Variants in GOLGA6L6 observed in about 807,000 individuals in gnomAD.
GOLGA6L6 encodes the protein golgin subfamily A member 6-like protein 6.
In GOLGA6L6, 12 loss-of-function variants were observed where a neutral mutation model predicts 75.6. That is an observed-to-expected ratio of 0.16 (90% CI 0.10 to 0.26). The LOEUF (loss-of-function observed/expected upper bound fraction) is 0.26, where lower values mean the gene tolerates loss of function less well. Among genes scored for constraint, GOLGA6L6 ranks in the 10% least tolerant of loss-of-function variants. The probability of loss-of-function intolerance (pLI) is 1.00; values close to 1 mark genes in which losing one functional copy is unlikely to be tolerated. For synonymous variants in GOLGA6L6, 38 were observed against 179.2 expected, an observed-to-expected ratio of 0.21 and a Z score of 6.29; for missense variants, 144 against 598.5, an observed-to-expected ratio of 0.24 and a Z score of 7.92.
chr15:20,538,630 A>T lies in GOLGA6L6; in HGVS notation c.342+6T>A. On this transcript the variant is annotated splice_donor_region_variant and intron_variant, in intron 3 of 8. Transcript: ENST00000619213. Reference sequence around the variant, plus strand: ...GGCAGGAGGGAACTTCACACCCTCCACTCACCTCTAGCTCCCTCCTTAGGG... The same window carrying T: ...GGCAGGAGGGAACTTCACACCCTCCTCTCACCTCTAGCTCCCTCCTTAGGG... The T allele has an allele frequency of 9.3e-7, 1 of 1,073,740 alleles. No homozygotes were observed. Among genetic ancestry groups the T allele is most frequent in the South Asian group, 1.4e-5 (1 of 73,640 alleles). The allele number at this position is 1,073,740 out of a possible 1,614,324, so 66.5% of individuals were successfully genotyped here.
intron 5 of GOLGA6L6, among the ~76,000 whole-genome samples, chr15:20,538,035 G>A (rs1216209828): frequency 6.8e-6 from 1 of 148,034 alleles, no homozygotes; most frequent in African/African-American, 2.5e-5. Flanking sequence ...TGGCCTCTGA[G>A]CTCTATGTCC....
chr15:20,538,765 C>T, intron 2 of GOLGA6L6, 79 bp from the exon 3 acceptor site: 2 of 1,218,084 alleles, frequency 1.6e-6, no homozygotes, highest in Middle Eastern at 2.3e-4. Flanking sequence ...CAGAATGGCA[C>T]CACTGCCCCA....
chr15:20,537,683 TCCG>T (rs1890400281), intron 5 of GOLGA6L6, among the ~76,000 whole-genome samples: 1 of 143,140 alleles, frequency 7.0e-6, no homozygotes, highest in East Asian at 2.0e-4. Flanking sequence ...AGCCCATTCT[TCCG>T]CTGGAGGTAG....
intron 5 of GOLGA6L6, among the ~76,000 whole-genome samples, chr15:20,537,797 TC>T (rs1419937984): frequency 2.2e-5 from 3 of 137,668 alleles, no homozygotes; most frequent in Admixed American, 7.4e-5. Context: ...GGGAAATATC[TC>T]CCCCCAACAC....
At position 20,534,846 on chromosome 15, in the gene GOLGA6L6, G is replaced by A; in HGVS notation, c.1588C>T (p.Gln530Ter). 9.8e-7 allele frequency: 1 copy of A among 1,022,142 alleles called. No homozygotes were observed. The highest frequency in any genetic ancestry group is 1.3e-6 in the Non-Finnish European group (1 of 750,758). 63.3% of individuals were successfully genotyped at this position (1,022,142 alleles called of 1,614,324 possible). A position where few individuals can be genotyped will look rare whatever the true frequency, so the allele number is the denominator to read the frequency against. The change falls in exon 8 of 9, where the codon CAG (glutamine) becomes TAG (stop). Residue 530 changes from glutamine (Q) to a stop codon, truncating the protein, a stop_gained. Transcript: ENST00000619213. LOFTEE classifies it high-confidence loss of function. ...MWREEEKMHE[Q>*]EKIWEEEKRQ... ...TTCTCCTCCTCCCATATCTTCTCCT[G>A]CTCATGCATCTTCTCTTCCTCCCTC...
intron 8 of GOLGA6L6, 129 bp from the exon 9 acceptor site, chr15:20,533,731 C>T (rs1890270165): frequency 3.9e-5 from 1 of 25,830 alleles, no homozygotes; most frequent in Non-Finnish European, 6.7e-5. Flanking sequence ...GCCACCGCTT[C>T]GCCCTGAGCT....
rs1233666016 is a variant in GOLGA6L6, at chr15:20,532,624, A to T, written c.*979T>A. ...ACAAGAGCAGTTAGAAAAACTGGAT[A>T]AAAATGTGCCCCGCCCCCAATCAAA... On this transcript the variant is annotated 3_prime_UTR_variant, in exon 9 of 9. Transcript: ENST00000619213. 4 of 139,354 alleles carry T rather than the reference A, an allele frequency of 2.9e-5. No homozygotes were observed. The highest frequency in any genetic ancestry group is 1.1e-4 in the African/African-American group (4 of 36,170). The allele number at this position is 139,354 out of a possible 1,614,324, so 8.6% of individuals were successfully genotyped here. A position where few individuals can be genotyped will look rare whatever the true frequency, so the allele number is the denominator to read the frequency against.
At position 20,534,988 on chromosome 15, in the gene GOLGA6L6, C is replaced by A. The variant is rs1376735243; in HGVS notation, c.1446G>T (p.Gln482His). 1 of 1,481,184 alleles carries A rather than the reference C, an allele frequency of 6.8e-7. No homozygotes were observed. Among genetic ancestry groups the A allele is most frequent in the South Asian group, 1.3e-5 (1 of 79,438 alleles). 91.8% of individuals were successfully genotyped at this position (1,481,184 alleles called of 1,614,324 possible). A position where few individuals can be genotyped will look rare whatever the true frequency, so the allele number is the denominator to read the frequency against. Residue 482 changes from glutamine to histidine, a missense_variant, in exon 8 of 9, where the codon CAG becomes CAT. Transcript: ENST00000619213. Reference protein sequence around the residue: ...MHEQEEKIRKQEEKVWRQEEK... With the variant: ...MHEQEEKIRKHEEKVWRQEEK... ...CCTCCTGCCTCCACACCTTCTCCTC[C>A]TGCTTCCGTATCTTCTCCTCCTGCT...
intron 2 of GOLGA6L6, among the ~76,000 whole-genome samples, chr15:20,539,378 C>G (rs1393824403): frequency 2.3e-5 from 1 of 43,644 alleles, no homozygotes. Context: ...CCCTTGGCCC[C>G]GAGGTTTCCA....
chr15:20,537,560 T>C (rs1421682736), intron 5 of GOLGA6L6, among the ~76,000 whole-genome samples: 1 of 148,390 alleles, frequency 6.7e-6, no homozygotes, highest in East Asian at 1.9e-4. Flanking sequence ...TAGGAGATGG[T>C]TACCATTATT....
In GOLGA6L6 at chr15:20,535,706, GT is replaced by G. The variant is rs1358800432; in HGVS notation, c.745-18del. 3.5e-5 allele frequency: 22 copies of G among 622,124 alleles called. No homozygotes were observed. Among genetic ancestry groups the G allele is most frequent in the East Asian group, 5.9e-5 (2 of 33,994 alleles). 38.5% of individuals were successfully genotyped at this position (622,124 alleles called of 1,614,324 possible). ...CAGCTGCTGCTGGAATAGTGAAAGTGTTTTTTTGAACCTCAGAAGGAAGCAG... is the reference window on the plus strand; with the variant it reads ...CAGCTGCTGCTGGAATAGTGAAAGTGTTTTTTGAACCTCAGAAGGAAGCAG... On this transcript the variant is annotated intron_variant, in intron 7 of 8. Coordinates refer to ENST00000619213, the MANE Select transcript of GOLGA6L6 (RefSeq NM_001145004.2).
At position 20,534,818 on chromosome 15, in the gene GOLGA6L6, C is replaced by T. The variant is rs1218413604; in HGVS notation, c.1616G>A (p.Arg539Lys). The change falls in exon 8 of 9, where the codon AGG (arginine) becomes AAG (lysine). Residue 539 changes from arginine to lysine, a missense_variant. Arg to Lys is a conservative substitution (Grantham distance 26). Coordinates refer to ENST00000619213, the MANE Select transcript of GOLGA6L6 (RefSeq NM_001145004.2). Reference sequence around the variant, plus strand: ...CCACATCTTATCCTCCTGCTCCTGCCTCTTCTCCTCCTCCCATATCTTCTC... The same window carrying T: ...CCACATCTTATCCTCCTGCTCCTGCTTCTTCTCCTCCTCCCATATCTTCTC... ...EQEKIWEEEK[R>K]QEQEDKMWRQ... 4.0e-6 allele frequency: 4 copies of T among 1,001,518 alleles called. No homozygotes were observed. In the Admixed American group the frequency reaches 8.3e-5, roughly 21 times the overall value. The allele number at this position is 1,001,518 out of a possible 1,614,324, so 62.0% of individuals were successfully genotyped here.
intron 6 of GOLGA6L6, 77 bp from the exon 7 acceptor site, chr15:20,536,560 GC>G: frequency 2.5e-6 from 1 of 407,866 alleles, no homozygotes; most frequent in Non-Finnish European, 4.0e-6. Flanking sequence ...CCCTACCCTC[GC>G]CCCACAACCA....
chr15:20,532,508 A>G lies in GOLGA6L6; in HGVS notation c.*1095T>C, dbSNP rs1483360464. 8.9e-5 allele frequency: 12 copies of G among 134,528 alleles called. No individual in the cohort carries two copies. Among genetic ancestry groups the G allele is most frequent in the African/African-American group, 2.9e-4 (10 of 34,238 alleles). The allele number at this position is 134,528 out of a possible 1,614,324, so 8.3% of individuals were successfully genotyped here. A position where few individuals can be genotyped will look rare whatever the true frequency, so the allele number is the denominator to read the frequency against. ...GCACTAGAGCCTGGGCAACAGCGCAATACTCCATCTCAAAAACAACAAAAA... is the reference window on the plus strand; with the variant it reads ...GCACTAGAGCCTGGGCAACAGCGCAGTACTCCATCTCAAAAACAACAAAAA... On this transcript the variant is annotated 3_prime_UTR_variant, in exon 9 of 9. Transcript: ENST00000619213.
rs1461225900 is a variant in GOLGA6L6 at position 20,534,640 on chromosome 15, C to T, written c.1794G>A (p.Gln598=). ...CCTCCTGCTCCCGTATCTTCTCCTC[C>T]TGCTCCCGTATCTTCTCCTCCTGCT... ...IREQEEKIRE[Q]EEKIREQEEK... is the part of the protein sequence containing the mutation. The change falls in exon 8 of 9, where the codon CAG becomes CAA. Residue 598 remains glutamine (Q), a synonymous_variant. Coordinates refer to ENST00000619213, the MANE Select transcript of GOLGA6L6 (RefSeq NM_001145004.2). 3.3e-6 allele frequency: 3 copies of T among 917,228 alleles called. No individual in the cohort carries two copies. Among genetic ancestry groups the T allele is most frequent in the African/African-American group, 3.9e-5 (2 of 50,960 alleles). 56.8% of individuals were successfully genotyped at this position (917,228 alleles called of 1,614,324 possible).
rs1224724513 is a variant in GOLGA6L6 at position 20,535,058 on chromosome 15, A to G, written c.1376T>C (p.Ile459Thr). The change falls in exon 8 of 9, where the codon ATA becomes ACA. Residue 459 changes from isoleucine to threonine, a missense_variant. Ile to Thr is a moderately conservative substitution (Grantham distance 89). Transcript: ENST00000619213. ...QEEMWRQEEK[I>T]REQEEIWRQK... The stretch of plus-strand genomic sequence containing the variant: ...CCTCCATATCTCCTCCTGCTCCCTT[A>G]TCTTCTCCTCCTGCCTCCACATCTC... 8.3e-7 allele frequency: 1 copy of G among 1,204,842 alleles called. No homozygotes were observed. The highest frequency in any genetic ancestry group is 1.1e-6 in the Non-Finnish European group (1 of 887,588). 74.6% of individuals were successfully genotyped at this position (1,204,842 alleles called of 1,614,324 possible). A position where few individuals can be genotyped will look rare whatever the true frequency, so the allele number is the denominator to read the frequency against.
Position 20,534,518 on chromosome 15 carries a change from TC to T in GOLGA6L6, c.1915del (p.Glu639AsnfsTer13). The part of the protein sequence containing the change: ...KMCEQEEKMQ[E>X]QEETMWRQEE... The stretch of plus-strand genomic sequence containing the variant: ...CTGCCTCCACATCGTCTCCTCCTGT[TC>T]TTGCATCTTCTCTTCCTGCTCACAC... On this transcript the variant is annotated frameshift_variant, in exon 8 of 9. Coordinates refer to ENST00000619213, the MANE Select transcript of GOLGA6L6 (RefSeq NM_001145004.2). LOFTEE classifies it high-confidence loss of function. 6.6e-7 allele frequency: 1 copy of T among 1,522,776 alleles called. No homozygotes were observed. The highest frequency in any genetic ancestry group is 8.8e-7 in the Non-Finnish European group (1 of 1,130,852). 94.3% of individuals were successfully genotyped at this position (1,522,776 alleles called of 1,614,324 possible). A position where few individuals can be genotyped will look rare whatever the true frequency, so the allele number is the denominator to read the frequency against.
Position 20,538,622 on chromosome 15 carries a change from C to T in GOLGA6L6, c.342+14G>A, listed in dbSNP as rs1409847237. On this transcript the variant is annotated intron_variant, in intron 3 of 8. Coordinates refer to ENST00000619213, the MANE Select transcript of GOLGA6L6 (RefSeq NM_001145004.2). ...CTCCAGAGGGCAGGAGGGAACTTCA[C>T]ACCCTCCACTCACCTCTAGCTCCCT... 2.7e-6 allele frequency: 3 copies of T among 1,097,514 alleles called. No individual in the cohort carries two copies. In the African/African-American group the frequency reaches 5.6e-5, roughly 21 times the overall value. 68.0% of individuals were successfully genotyped at this position (1,097,514 alleles called of 1,614,324 possible).
In GOLGA6L6 at chr15:20,539,853, T is replaced by TCC. The variant is rs1890453018; in HGVS notation, c.210_211insGG (p.Ser71GlyfsTer9). The TCC allele has an allele frequency of 3.5e-6, 1 of 282,418 alleles. No individual in the cohort carries two copies. Among genetic ancestry groups the TCC allele is most frequent in the Non-Finnish European group, 6.1e-6 (1 of 164,022 alleles). The allele number at this position is 282,418 out of a possible 1,614,324, so 17.5% of individuals were successfully genotyped here. On this transcript the variant is annotated frameshift_variant, in exon 2 of 9. Coordinates refer to ENST00000619213, the MANE Select transcript of GOLGA6L6 (RefSeq NM_001145004.2). LOFTEE classifies it high-confidence loss of function. ...TTTATTTTCTTCTTTTTGGTGTCGC[T>TCC]TGCTGCTGTACCAACACTAGGGTTG...
Sources: gnomAD v4.1 joint callset for allele counts (sites outside exome capture counted in the v4.1 genomes callset) on GRCh38, gnomAD v4.1.1 for gene constraint, MANE v1.5 for transcripts, NCBI Gene and HGNC (gene_info 2026-07-23, HGNC 2026-07-21) for gene names.